Variants in SV2C observed in about 807,000 individuals in gnomAD.
SV2C encodes the protein solute carrier family 22 member B3.
In SV2C, 49 loss-of-function variants were observed where a neutral mutation model predicts 79.7. The observed-to-expected ratio is 0.61, with a 90% CI of 0.49 to 0.78. The LOEUF is 0.78. Among genes scored for constraint, SV2C ranks in the 30% least tolerant of loss-of-function variants. SV2C has a pLI of 0.00. For missense variants in SV2C, 833 were observed against 912.9 expected (o/e 0.91, Z 1.13); for synonymous variants, 334 against 333.2 (o/e 1.00, Z -0.03).
At chr5:76,010,826 A>G in the SV2C span, among the ~76,000 whole-genome samples, 13 of 152,226 alleles carry the variant, frequency 8.5e-5, no homozygotes, top group East Asian at 2.1e-3. Context: ...TAGCAGTCAT[A>G]TTATGAAACT....
the SV2C span, among the ~76,000 whole-genome samples, chr5:75,967,838 C>T: frequency 5.1e-4 from 77 of 152,302 alleles, 1 homozygote; most frequent in Admixed American, 3.7e-3. Flanking sequence ...TCTCCCAGCA[C>T]GCAGCTTGAG....
intron 1 of SV2C, among the ~76,000 whole-genome samples, chr5:76,131,425 T>G (rs1267884977): frequency 6.7e-6 from 1 of 149,336 alleles, no homozygotes; most frequent in Non-Finnish European, 1.5e-5. Flanking sequence ...AAAACAATAA[T>G]AATAGCAGCG....
chr5:76,316,708 G>A (rs1389245613), intron 12 of SV2C, among the ~76,000 whole-genome samples: 2 of 152,030 alleles, frequency 1.3e-5, no homozygotes, highest in African/African-American at 4.8e-5. Context: ...GTGAGAGTAC[G>A]GGGAGAGGCA....
intron 4 of SV2C, among the ~76,000 whole-genome samples, chr5:76,232,958 T>C (rs1467927813): frequency 7.1e-6 from 1 of 141,516 alleles, no homozygotes; most frequent in Admixed American, 6.7e-5. Context: ...TCAAGTAGTT[T>C]TTTCCAATTC....
chr5:76,155,010 A>T (rs1417786690), intron 2 of SV2C, among the ~76,000 whole-genome samples: 1 of 152,220 alleles, frequency 6.6e-6, no homozygotes, highest in African/African-American at 2.4e-5. Context: ...CACTGAATTC[A>T]CATTTTACCT....
intron 4 of SV2C, among the ~76,000 whole-genome samples, chr5:76,274,538 A>G (rs1210790267): frequency 1.3e-5 from 2 of 152,156 alleles, no homozygotes; most frequent in East Asian, 1.9e-4. Context: ...CATTTTCCAT[A>G]TATCTGTTTA....
intron 3 of SV2C, among the ~76,000 whole-genome samples, chr5:76,208,632 A>G (rs1023100517): frequency 3.3e-5 from 5 of 152,252 alleles, no homozygotes; most frequent in Admixed American, 2.0e-4. Context: ...TTATTGCTAA[A>G]TAAATAAACA....
At chr5:75,965,283 T>A in the SV2C span, among the ~76,000 whole-genome samples, 1 of 152,180 alleles carries the variant, frequency 6.6e-6, no homozygotes, top group Non-Finnish European at 1.5e-5. Flanking sequence ...TTAACAATAG[T>A]TCTTGGTTCA....
rs192982637 is a variant in SV2C, at chr5:76,293,464, G to A, written c.1337+1608G>A. On this transcript the variant is annotated intron_variant, in intron 8 of 12. Coordinates refer to ENST00000502798, the MANE Select transcript of SV2C (RefSeq NM_014979.4). ...AGTGCCTAGTATTTAGTGCGTGTTCGGTAAATGTTTGCTAAATAAATGACA... is the reference window on the plus strand; with the variant it reads ...AGTGCCTAGTATTTAGTGCGTGTTCAGTAAATGTTTGCTAAATAAATGACA... Among the ~76,000 whole-genome samples, 17 of 152,140 alleles carry A rather than the reference G, an allele frequency of 1.1e-4. No homozygotes were observed. The East Asian group carries it at 1.5e-3, about 14-fold the overall frequency.
intron 12 of SV2C, among the ~76,000 whole-genome samples, chr5:76,347,367 T>C (rs1480481991): frequency 6.6e-6 from 1 of 152,186 alleles, no homozygotes; most frequent in Admixed American, 6.5e-5. Flanking sequence ...AATGAGTGCC[T>C]CGATCTTAAA....
At chr5:76,128,678 T>G (rs1748787124) in intron 1 of SV2C, among the ~76,000 whole-genome samples, 1 of 152,196 alleles carries the variant, frequency 6.6e-6, no homozygotes, top group Admixed American at 6.5e-5. Flanking sequence ...AATAAAACAA[T>G]GTACAGGAAG....
chr5:76,030,064 G>A, the SV2C span, among the ~76,000 whole-genome samples: 8 of 151,914 alleles, frequency 5.3e-5, no homozygotes. Context: ...GAAGGGTCAG[G>A]GAAACCACTT....
the SV2C span, among the ~76,000 whole-genome samples, chr5:75,909,278 G>A: frequency 1.3e-5 from 2 of 152,240 alleles, no homozygotes; most frequent in Non-Finnish European, 2.9e-5. Flanking sequence ...CCAGTGGAGG[G>A]ACACTGAAGC....
chr5:76,264,727 G>A lies in SV2C; in HGVS notation c.914-20435G>A, dbSNP rs1332972741. On this transcript the variant is annotated intron_variant, in intron 4 of 12. Transcript: ENST00000502798. ...GGTCTGCTGCAGTTTGATGGCGGTC[G>A]GCTCCAGAGCCTATTTGCCTGGGTA... Among the ~76,000 whole-genome samples, 7 of 152,102 alleles carry A rather than the reference G, an allele frequency of 4.6e-5. No homozygotes were observed. In the East Asian group the frequency reaches 7.7e-4, roughly 17 times the overall value.
At chr5:76,156,629 A>C (rs1742736383) in intron 2 of SV2C, among the ~76,000 whole-genome samples, 1 of 152,182 alleles carries the variant, frequency 6.6e-6, no homozygotes, top group Non-Finnish European at 1.5e-5. Context: ...TAATAAATAC[A>C]TTCAAAGAGC....
the SV2C span, among the ~76,000 whole-genome samples, chr5:76,014,229 G>T: frequency 6.9e-6 from 1 of 144,500 alleles, no homozygotes; most frequent in Non-Finnish European, 1.5e-5. Context: ...AAGAAAGAAA[G>T]GAAAGGAAGA....
the SV2C span, among the ~76,000 whole-genome samples, chr5:75,992,880 AC>A: frequency 6.6e-6 from 1 of 152,068 alleles, no homozygotes; most frequent in African/African-American, 2.4e-5. Flanking sequence ...AATCAAACTT[AC>A]TGACATATGT....
intron 4 of SV2C, among the ~76,000 whole-genome samples, chr5:76,278,919 G>A (rs1193783201): frequency 6.6e-6 from 1 of 152,216 alleles, no homozygotes; most frequent in East Asian, 1.9e-4. Context: ...AGACCAAACA[G>A]GAGGCTGTTG....
chr5:76,132,042 A>G lies in SV2C; in HGVS notation c.292A>G (p.Ser98Gly). The G allele has an allele frequency of 6.2e-7, 1 of 1,612,204 alleles. No homozygotes were observed. Among genetic ancestry groups the G allele is most frequent in the Non-Finnish European group, 8.5e-7 (1 of 1,178,948 alleles). ...IYEGEYQGIP[S>G]MNQAKDSIVS... is the part of the protein sequence containing the mutation. ...TGAGGGGGAGTATCAGGGCATCCCC[A>G]GTATGAACCAAGCGAAGGACAGCAT... The change falls in exon 2 of 13, where the codon AGT becomes GGT. Residue 98 changes from serine to glycine, a missense_variant. By Grantham distance (56) the Ser-to-Gly change is moderately conservative. Coordinates refer to ENST00000502798, the MANE Select transcript of SV2C (RefSeq NM_014979.4).
Sources: allele counts gnomAD v4.1 joint callset (sites outside exome capture counted in the v4.1 genomes callset), GRCh38; gene constraint gnomAD v4.1.1; transcripts MANE v1.5; gene names NCBI Gene and HGNC (gene_info 2026-07-23, HGNC 2026-07-21).